Variants in ATF7IP observed in about 807,000 individuals in gnomAD.
ATF7IP encodes activating transcription factor 7-interacting protein 1.
A neutral mutation model predicts 106.4 loss-of-function variants in ATF7IP; 23 were observed. That is an observed-to-expected ratio of 0.22 (90% confidence interval 0.16 to 0.31). ATF7IP has a LOEUF of 0.31. Ranked by LOEUF, ATF7IP falls within the 10% of genes least tolerant of loss-of-function variation. ATF7IP has a pLI of 1.00. For missense variants in ATF7IP, 1,334 were observed against 1,524.3 expected (o/e 0.88, Z 2.08); for synonymous variants, 542 against 539.0 (o/e 1.01, Z -0.08).
Position 14,471,475 on chromosome 12 carries a change from A to G in ATF7IP, c.2863-4415A>G, listed in dbSNP as rs1430261822. On this transcript the variant is annotated intron_variant, in intron 10 of 14. Transcript: ENST00000261168. Reference sequence around the variant, plus strand: ...TTTATGTATAATTTGTAATCTTGCCATACTTTTATCATTATAAAGTTTCCC... The same window carrying G: ...TTTATGTATAATTTGTAATCTTGCCGTACTTTTATCATTATAAAGTTTCCC... Among the ~76,000 whole-genome samples the G allele has an allele frequency of 2.6e-5, 4 of 152,174 alleles. No homozygotes were observed. The East Asian group carries it at 5.8e-4, about 22-fold the overall frequency.
chr12:14,471,039 C>T, intron 10 of ATF7IP, among the ~76,000 whole-genome samples: 1 of 151,938 alleles, frequency 6.6e-6, no homozygotes, highest in East Asian at 1.9e-4. Flanking sequence ...CTTTTGGGTC[C>T]TGGGTTGTTT....
chr12:14,386,644 G>A (rs911212968), intron 1 of ATF7IP, among the ~76,000 whole-genome samples: 2 of 152,066 alleles, frequency 1.3e-5, no homozygotes, highest in African/African-American at 4.8e-5. Flanking sequence ...TTATTGTTAT[G>A]TACTTATTTT....
intron 6 of ATF7IP, among the ~76,000 whole-genome samples, chr12:14,453,785 C>T (rs1288121917): frequency 6.6e-6 from 1 of 151,988 alleles, no homozygotes; most frequent in Non-Finnish European, 1.5e-5. Flanking sequence ...CCATCACGCT[C>T]GGCTAATTTT....
chr12:14,433,167 G>A (rs1358018339), intron 2 of ATF7IP, among the ~76,000 whole-genome samples: 1 of 152,072 alleles, frequency 6.6e-6, no homozygotes, highest in African/African-American at 2.4e-5. Context: ...TCAGGAGTTT[G>A]AGACCAGTCT....
rs1944413210 is a variant in ATF7IP at position 14,481,095 on chromosome 12, T to C, written c.3190T>C (p.Tyr1064His). The C allele has an allele frequency of 6.2e-7, 1 of 1,614,056 alleles. No individual in the cohort carries two copies. The highest frequency in any genetic ancestry group is 2.2e-5 in the East Asian group (1 of 44,878). Residue 1064 changes from tyrosine (Y) to histidine (H), a missense_variant, in exon 13 of 15, where the codon TAT becomes CAT. By Grantham distance (83) the Tyr-to-His change is moderately conservative (BLOSUM62 2). Coordinates refer to ENST00000261168, the MANE Select transcript of ATF7IP (RefSeq NM_018179.5). ...PRAPANHQVVYTTLPAPPAQA... is the reference protein window; with the variant it reads ...PRAPANHQVVHTTLPAPPAQA... ...AGCTCCTGCAAACCACCAGGTGGTT[T>C]ATACAACTCTTCCTGCACCACCAGC...
chr12:14,484,000 A>G (rs1944508110), intron 13 of ATF7IP, among the ~76,000 whole-genome samples: 1 of 152,160 alleles, frequency 6.6e-6, no homozygotes, highest in South Asian at 2.1e-4. Context: ...AGCATAGGCA[A>G]ACCCATATCT....
At chr12:14,385,421 T>C in intron 1 of ATF7IP, 1 of 1,530,854 alleles carries the variant, frequency 6.5e-7, no homozygotes. Flanking sequence ...ATTACTCTTT[T>C]ATCTTAAACA....
Position 14,451,971 on chromosome 12 carries a change from T to C in ATF7IP, c.1996-4590T>C, listed in dbSNP as rs1943219773. ...AGTGGGGTATTGAAGTTTCCTACTA[T>C]CATTGTGTTACTGTCTGTTTCTCCC... On this transcript the variant is annotated intron_variant, in intron 6 of 14. Coordinates refer to ENST00000261168, the MANE Select transcript of ATF7IP (RefSeq NM_018179.5). Among the ~76,000 whole-genome samples the C allele has an allele frequency of 5.9e-5, 9 of 152,340 alleles. 1 individual carries two copies. The South Asian group carries it at 1.7e-3, about 28-fold the overall frequency.
chr12:14,380,138 A>G (rs1347850928), intron 1 of ATF7IP, among the ~76,000 whole-genome samples: 1 of 151,894 alleles, frequency 6.6e-6, no homozygotes, highest in African/African-American at 2.4e-5. Flanking sequence ...TTTTTCTATC[A>G]TGTTCTTAAT....
At chr12:14,413,799 G>T (rs1941055928) in intron 1 of ATF7IP, among the ~76,000 whole-genome samples, 1 of 151,844 alleles carries the variant, frequency 6.6e-6, no homozygotes, top group Non-Finnish European at 1.5e-5. Context: ...TTAATAAAAG[G>T]CAGAATTTAT....
intron 10 of ATF7IP, among the ~76,000 whole-genome samples, chr12:14,474,162 G>A (rs750458234): frequency 5.3e-5 from 8 of 151,542 alleles, no homozygotes; most frequent in African/African-American, 1.9e-4. Context: ...AGTTTCAGGC[G>A]TTTTTCATAT....
chr12:14,383,706 C>A (rs528809054), intron 1 of ATF7IP, among the ~76,000 whole-genome samples: 1 of 152,228 alleles, frequency 6.6e-6, no homozygotes, highest in South Asian at 2.1e-4. Context: ...GTTCATATTA[C>A]CACACCTGCT....
In ATF7IP at chr12:14,377,946, C is replaced by T. The variant is rs1359107821; in HGVS notation, c.-8+12119C>T. Among the ~76,000 whole-genome samples the T allele has an allele frequency of 2.6e-5, 4 of 151,574 alleles. No homozygotes were observed. The East Asian group carries it at 7.8e-4, about 30-fold the overall frequency. Reference sequence around the variant, plus strand: ...CCTGGTCTGACTTACCCAATTTTATCCTGGTAGGCAGGAGAACAGATTCTT... The same window carrying T: ...CCTGGTCTGACTTACCCAATTTTATTCTGGTAGGCAGGAGAACAGATTCTT... On this transcript the variant is annotated intron_variant, in intron 1 of 14. Transcript: ENST00000261168.
At chr12:14,367,308 G>C (rs2136385847) in intron 1 of ATF7IP, 1 of 152,062 alleles carries the variant, frequency 6.6e-6, no homozygotes, top group East Asian at 1.9e-4. Context: ...TAATACTTTT[G>C]GTTGGTGGAT....
In ATF7IP at chr12:14,498,441, T is replaced by C. The variant is rs775664793; in HGVS notation, c.*368T>C. ...GTACGAAGTAAGTAGATCAAAGGATTTGAGATGTGTAACTGGCATGATTCT... is the reference window on the plus strand; with the variant it reads ...GTACGAAGTAAGTAGATCAAAGGATCTGAGATGTGTAACTGGCATGATTCT... On this transcript the variant is annotated 3_prime_UTR_variant, in exon 15 of 15. Coordinates refer to ENST00000261168, the MANE Select transcript of ATF7IP (RefSeq NM_018179.5). The C allele has an allele frequency of 1.1e-4, 20 of 180,340 alleles. No homozygotes were observed. The allele number at this position is 180,340 out of a possible 1,614,324, so 11.2% of individuals were successfully genotyped here.
At chr12:14,474,203 C>A (rs894081934) in intron 10 of ATF7IP, among the ~76,000 whole-genome samples, 1 of 151,770 alleles carries the variant, frequency 6.6e-6, no homozygotes, top group Non-Finnish European at 1.5e-5. Flanking sequence ...GTCCTATGGA[C>A]TAGAAAATTT....
At chr12:14,462,207 T>C (rs1943668916) in intron 9 of ATF7IP, among the ~76,000 whole-genome samples, 2 of 152,126 alleles carry the variant, frequency 1.3e-5, no homozygotes, top group African/African-American at 4.8e-5. Flanking sequence ...ATTTACAATT[T>C]AAATGTTTGC....
At chr12:14,434,096 A>T (rs1942278444) in intron 2 of ATF7IP, among the ~76,000 whole-genome samples, 1 of 152,206 alleles carries the variant, frequency 6.6e-6, no homozygotes, top group South Asian at 2.1e-4. Context: ...ATTACTTAAA[A>T]TCTATATTAA....
At position 14,425,004 on chromosome 12, in the gene ATF7IP, ACCT is replaced by A. The variant is rs757972204; in HGVS notation, c.1093_1095del (p.Pro365del). On this transcript the variant is annotated inframe_deletion, in exon 2 of 15. Coordinates refer to ENST00000261168, the MANE Select transcript of ATF7IP (RefSeq NM_018179.5). ...ATGATACAACTATTTGTTCAGATCG[ACCT>A]CCTGAAAATGAAAAGAAGGTAGAGG... 1.9e-6 allele frequency: 3 copies of A among 1,611,388 alleles called. No homozygotes were observed. The highest frequency in any genetic ancestry group is 1.6e-4 in the Middle Eastern group (1 of 6,074).
Sources: gnomAD v4.1 joint callset for allele counts (sites outside exome capture counted in the v4.1 genomes callset) on GRCh38, gnomAD v4.1.1 for gene constraint, MANE v1.5 for transcripts, NCBI Gene and HGNC (gene_info 2026-07-23, HGNC 2026-07-21) for gene names.